The following ABTB2 variants were observed in gnomAD, a reference collection of about 807,000 sequenced individuals.
The protein encoded by ABTB2 is ankyrin repeat and BTB domain containing 2, also known as ankyrin repeat and BTB/POZ domain-containing protein 2.
ABTB2 carries 56 observed loss-of-function variants against 104.1 expected under a neutral mutation model. That is an observed-to-expected ratio of 0.54 (90% CI 0.43 to 0.67). ABTB2 has a LOEUF of 0.67. Ranked by LOEUF, ABTB2 falls within the 30% of genes least tolerant of loss-of-function variation. The pLI is 0.00. For synonymous variants in ABTB2, 606 were observed against 608.2 expected (o/e 1.00, Z 0.05); for missense variants, 1,279 against 1,407.7 (o/e 0.91, Z 1.46).
intron 14 of ABTB2, among the ~76,000 whole-genome samples, chr11:34,155,892 C>T (rs1565125910): frequency 6.6e-6 from 1 of 152,352 alleles, no homozygotes; most frequent in South Asian, 2.1e-4. Flanking sequence ...GCAGGCCATG[C>T]CCAGGTCCCT....
At position 34,152,387 on chromosome 11, in the gene ABTB2, TCA is replaced by T; in HGVS notation, c.3076_3077del (p.Ter1026ArgfsTer25). Reference sequence around the variant, plus strand: ...GCCTCGGCAGCCTCCGCCCCCTGCCTCACACCCGGGAGGTGATGTAGACAGAG... The same window carrying T: ...GCCTCGGCAGCCTCCGCCCCCTGCCTCACCCGGGAGGTGATGTAGACAGAG... ...VHSVYITSRV[*>X] is the part of the protein sequence containing the mutation. On this transcript the variant is annotated frameshift_variant and stop_lost, in exon 17 of 17. Coordinates refer to ENST00000435224, the MANE Select transcript of ABTB2 (RefSeq NM_145804.3). LOFTEE classifies it high-confidence loss of function. 6.4e-7 allele frequency: 1 copy of T among 1,560,542 alleles called. No individual in the cohort carries two copies. The highest frequency in any genetic ancestry group is 1.2e-5 in the South Asian group (1 of 84,870).
rs1301172225 is a variant in ABTB2, at chr11:34,265,883, C to T, written c.884-61193G>A. Among the ~76,000 whole-genome samples, 12 of 151,968 alleles carry T rather than the reference C, an allele frequency of 7.9e-5. No individual in the cohort carries two copies. The South Asian group carries it at 1.7e-3, about 21-fold the overall frequency. ...ACTCGGGAGGCTGAGGCAGGAGAAT[C>T]GCTTGAACCCTGGAGGCAGAGGTTG... On this transcript the variant is annotated intron_variant, in intron 1 of 16. Transcript: ENST00000435224.
intron 1 of ABTB2, among the ~76,000 whole-genome samples, chr11:34,309,786 A>T (rs754467388): frequency 6.6e-6 from 1 of 151,898 alleles, no homozygotes; most frequent in Admixed American, 6.5e-5. Flanking sequence ...AGAGGTGATC[A>T]GAGTCAAAAA....
intron 3 of ABTB2, among the ~76,000 whole-genome samples, chr11:34,179,658 C>A (rs1359108412): frequency 6.6e-6 from 1 of 152,238 alleles, no homozygotes; most frequent in Non-Finnish European, 1.5e-5. Flanking sequence ...TCGTCATCCT[C>A]TGTGGGCCAT....
At chr11:34,313,231 A>G (rs1854880191) in intron 1 of ABTB2, among the ~76,000 whole-genome samples, 1 of 152,212 alleles carries the variant, frequency 6.6e-6, no homozygotes, top group Admixed American at 6.5e-5. Context: ...AGCAGTGGAA[A>G]GAGGAGTAAC....
chr11:34,338,490 A>C (rs1855220491), intron 1 of ABTB2, among the ~76,000 whole-genome samples: 1 of 151,162 alleles, frequency 6.6e-6, no homozygotes, highest in Non-Finnish European at 1.5e-5. Context: ...TGAGGTTAAG[A>C]GTTTGAGACC....
At chr11:34,160,659 ACG>A (rs548995014) in intron 11 of ABTB2, among the ~76,000 whole-genome samples, 2 of 63,484 alleles carry the variant, frequency 3.2e-5, no homozygotes, top group African/African-American at 1.2e-4. Context: ...GCGAGCGTGC[ACG>A]CGCGCGCGTG....
At chr11:34,235,838 G>C (rs1169203057) in intron 1 of ABTB2, among the ~76,000 whole-genome samples, 1 of 152,172 alleles carries the variant, frequency 6.6e-6, no homozygotes, top group East Asian at 1.9e-4. Flanking sequence ...AACACTCTTT[G>C]TGCCCCAGGT....
chr11:34,316,534 G>T (rs1027455932), intron 1 of ABTB2, among the ~76,000 whole-genome samples: 1 of 152,110 alleles, frequency 6.6e-6, no homozygotes, highest in African/African-American at 2.4e-5. Flanking sequence ...AAACCCACAG[G>T]CTTGTCAGTG....
Position 34,167,324 on chromosome 11 carries a change from G to A in ABTB2, c.1690C>T (p.Pro564Ser), listed in dbSNP as rs762551459. The change falls in exon 7 of 17, where the codon CCC (proline) becomes TCC (serine). Residue 564 changes from proline to serine, a missense_variant. Transcript: ENST00000435224. ...AGTGAGGTCCAGTGCCGGCTGTCGG[G>A]GTGGATGGAAGGGTGCCTGGGGGAG... ...SNSPRHPSIH[P>S]DSRHWTSLTF... 6 of 1,613,584 alleles carry A rather than the reference G, an allele frequency of 3.7e-6. No homozygotes were observed. The South Asian group carries it at 6.6e-5, about 18-fold the overall frequency.
intron 1 of ABTB2, among the ~76,000 whole-genome samples, chr11:34,349,216 G>A (rs779838724): frequency 6.6e-6 from 1 of 152,166 alleles, no homozygotes; most frequent in South Asian, 2.1e-4. Context: ...CACAAGCAGG[G>A]TCCAATATCC....
intron 3 of ABTB2, among the ~76,000 whole-genome samples, chr11:34,182,145 C>T (rs1853036023): frequency 6.6e-6 from 1 of 152,212 alleles, no homozygotes; most frequent in Non-Finnish European, 1.5e-5. Flanking sequence ...GCAATGAGGC[C>T]CTCACCATAG....
chr11:34,302,027 T>C (rs1316300944), intron 1 of ABTB2, among the ~76,000 whole-genome samples: 1 of 152,198 alleles, frequency 6.6e-6, no homozygotes, highest in Non-Finnish European at 1.5e-5. Flanking sequence ...TGTCAGGGTA[T>C]GACATTTGGC....
chr11:34,244,485 A>G (rs1444061640), intron 1 of ABTB2, among the ~76,000 whole-genome samples: 4 of 152,246 alleles, frequency 2.6e-5, no homozygotes, highest in African/African-American at 9.6e-5. Flanking sequence ...GCAGAAAAAC[A>G]GGGATATCTC....
intron 1 of ABTB2, among the ~76,000 whole-genome samples, chr11:34,222,427 A>G (rs1167651190): frequency 1.3e-5 from 2 of 152,194 alleles, no homozygotes; most frequent in Admixed American, 1.3e-4. Context: ...CTGTGGAGGA[A>G]GTCCATTCAG....
rs1490053267 is a variant in ABTB2, at chr11:34,357,461, C to A, written c.123G>T (p.Ala41=). 6.5e-7 allele frequency: 1 copy of A among 1,547,606 alleles called. No homozygotes were observed. Among genetic ancestry groups the A allele is most frequent in the Non-Finnish European group, 8.7e-7 (1 of 1,146,836 alleles). The change falls in exon 1 of 17, where the codon GCG becomes GCT. Residue 41 remains alanine (A), a synonymous_variant. Transcript: ENST00000435224. ...GGTGCTGCTGCGCCGAAGAGTTGAG[C>A]GCCTGCGAGTTGGACTTGGAGGACG... The part of the protein sequence containing the change: ...SLSSSKSNSQ[A]LNSSAQQHRG...
At chr11:34,224,475 T>G (rs1020327262) in intron 1 of ABTB2, among the ~76,000 whole-genome samples, 3 of 152,188 alleles carry the variant, frequency 2.0e-5, no homozygotes, top group African/African-American at 7.2e-5. Flanking sequence ...GTTTCAACAC[T>G]GGTGGCCTCC....
chr11:34,337,207 T>G (rs1156777778), intron 1 of ABTB2, among the ~76,000 whole-genome samples: 1 of 152,194 alleles, frequency 6.6e-6, no homozygotes, highest in Non-Finnish European at 1.5e-5. Flanking sequence ...CTGGCTTATT[T>G]GTTGAGGAAG....
chr11:34,339,788 G>A (rs369824405), intron 1 of ABTB2, among the ~76,000 whole-genome samples: 18 of 152,268 alleles, frequency 1.2e-4, no homozygotes, highest in African/African-American at 4.1e-4. Context: ...ACTAGTGGCA[G>A]ATTTAGCACA....
Sources: allele counts gnomAD v4.1 joint callset (sites outside exome capture counted in the v4.1 genomes callset), GRCh38; gene constraint gnomAD v4.1.1; transcripts MANE v1.5; gene names NCBI Gene and HGNC (gene_info 2026-07-23, HGNC 2026-07-21).